CUBN: variants seen among roughly 807,000 people sequenced by gnomAD.
The protein encoded by CUBN is cubilin, also known as 460 kDa receptor.
CUBN carries 282 observed loss-of-function variants against 405.3 expected under a neutral mutation model. That is an observed-to-expected ratio of 0.70 (90% confidence interval 0.63 to 0.77). CUBN has a LOEUF of 0.77. Among genes scored for constraint, CUBN ranks in the 30% least tolerant of loss-of-function variants. The pLI, the probability that CUBN is intolerant of heterozygous loss-of-function variation, is 0.00. For missense variants in CUBN, 4,514 were observed against 4,475.2 expected, an observed-to-expected ratio of 1.01 and a Z score of -0.25; for synonymous variants, 1,684 against 1,617.0, an observed-to-expected ratio of 1.04 and a Z score of -0.99.
chr10:17,062,277 T>C (rs140170713), intron 22 of CUBN, among the ~76,000 whole-genome samples: 153 of 152,348 alleles, frequency 1.0e-3, no homozygotes, highest in African/African-American at 3.6e-3. Context: ...GGTTTTCCTC[T>C]AATATTAAAG....
intron 62 of CUBN, among the ~76,000 whole-genome samples, chr10:16,838,584 TC>T (rs1270247644): frequency 6.6e-6 from 1 of 152,232 alleles, no homozygotes; most frequent in Non-Finnish European, 1.5e-5. Context: ...TCCAACTGTC[TC>T]CTCAACATCT....
intron 31 of CUBN, among the ~76,000 whole-genome samples, chr10:16,966,580 C>A (rs757032122): frequency 2.6e-5 from 4 of 152,124 alleles, no homozygotes; most frequent in Non-Finnish European, 5.9e-5. Context: ...TCCAAAGTAG[C>A]TGGGATTACA....
chr10:16,944,820 G>C (rs1439267852), intron 36 of CUBN, among the ~76,000 whole-genome samples: 1 of 152,164 alleles, frequency 6.6e-6, no homozygotes, highest in African/African-American at 2.4e-5. Context: ...CCATCCTCTG[G>C]AAGGAGAGCC....
chr10:17,021,750 A>G (rs1302347848), intron 27 of CUBN, among the ~76,000 whole-genome samples: 2 of 151,966 alleles, frequency 1.3e-5, no homozygotes, highest in East Asian at 3.9e-4. Context: ...GCCGCCCCTA[A>G]TCCCTGCAGT....
intron 56 of CUBN, among the ~76,000 whole-genome samples, chr10:16,887,424 A>T (rs191807395): frequency 1.7e-4 from 26 of 152,168 alleles, no homozygotes; most frequent in African/African-American, 6.3e-4. Context: ...CATTAAATCT[A>T]CTCTGTAACA....
rs1401131792 is a variant in CUBN, at chr10:16,918,721, A to T, written c.6901T>A (p.Leu2301Met). Residue 2301 changes from leucine to methionine, a missense_variant, in exon 45 of 67, where the codon TTG becomes ATG. Leu to Met is a conservative substitution (Grantham distance 15, BLOSUM62 2). This residue lies in a region of CUBN where 1,613 missense variants were observed against 1,542.8 expected (regional missense o/e 1.05). Transcript: ENST00000377833. ...CCTGAGGACCACTGACTGCTGGGCA[A>T]AGATGTCCCACAAAATTTGGAAAGT... ...PILSKFCGTS[L>M]PSSQWSSGEV... The T allele has an allele frequency of 6.2e-7, 1 of 1,613,870 alleles. No individual in the cohort carries two copies. Among genetic ancestry groups the T allele is most frequent in the Non-Finnish European group, 8.5e-7 (1 of 1,179,916 alleles).
intron 28 of CUBN, among the ~76,000 whole-genome samples, chr10:17,016,335 T>C (rs1834327779): frequency 6.6e-6 from 1 of 152,192 alleles, no homozygotes; most frequent in South Asian, 2.1e-4. Flanking sequence ...TGGGGATCCA[T>C]ACTGGGGAAG....
At chr10:17,017,896 G>A (rs1467480064) in intron 28 of CUBN, among the ~76,000 whole-genome samples, 2 of 152,136 alleles carry the variant, frequency 1.3e-5, no homozygotes, top group Non-Finnish European at 2.9e-5. Flanking sequence ...GGAGGCAAGG[G>A]TCAGGATAGA....
At chr10:17,068,864 C>A in intron 19 of CUBN, 94 bp from the exon 20 acceptor site, 1 of 1,042,184 alleles carries the variant, frequency 9.6e-7, no homozygotes, top group Non-Finnish European at 1.5e-6. Context: ...TAATGGAGTA[C>A]AAATCAATTT....
At chr10:16,974,722 C>A (rs1833041494) in intron 31 of CUBN, among the ~76,000 whole-genome samples, 1 of 152,170 alleles carries the variant, frequency 6.6e-6, no homozygotes, top group Non-Finnish European at 1.5e-5. Flanking sequence ...TCCACTTAAA[C>A]ACAGATTTTC....
chr10:16,908,594 C>T (rs1308894115), intron 48 of CUBN, among the ~76,000 whole-genome samples: 1 of 152,098 alleles, frequency 6.6e-6, no homozygotes, highest in East Asian at 1.9e-4. Flanking sequence ...ATTATTGACT[C>T]TAAAATATTA....
intron 60 of CUBN, among the ~76,000 whole-genome samples, chr10:16,846,924 GC>G: frequency 6.6e-6 from 1 of 152,112 alleles, no homozygotes; most frequent in East Asian, 1.9e-4. Context: ...ATACTTCCTG[GC>G]AGAAAAAGTC....
At position 16,840,409 on chromosome 10, in the gene CUBN, A is replaced by C. The variant is rs1564379433; in HGVS notation, c.9953T>G (p.Val3318Gly). 1.2e-6 allele frequency: 2 copies of C among 1,614,108 alleles called. No individual in the cohort carries two copies. The highest frequency in any genetic ancestry group is 3.3e-5 in the Admixed American group (2 of 60,024). The change falls in exon 62 of 67, where the codon GTC (valine) becomes GGC (glycine). Residue 3318 changes from valine to glycine, a missense_variant. By Grantham distance (109) the Val-to-Gly change is moderately radical. Around this residue, in one of 5 missense-constraint regions of CUBN, gnomAD observed 1,186 missense variants for 1,186.9 expected, o/e 1.00. Transcript: ENST00000377833. ...CTGTAATGCCCACACAGTTATCTTGACCTGCTGATGCGGAGGGGAATCAAT... is the reference window on the plus strand; with the variant it reads ...CTGTAATGCCCACACAGTTATCTTGCCCTGCTGATGCGGAGGGGAATCAAT... ...WVIDSPPHQQ[V>G]KITVWALQLT... is the part of the protein sequence containing the mutation.
chr10:16,940,808 AG>A (rs1357448624), intron 36 of CUBN, among the ~76,000 whole-genome samples: 2 of 152,208 alleles, frequency 1.3e-5, no homozygotes, highest in Non-Finnish European at 2.9e-5. Context: ...ATAAAAAAAA[AG>A]AAACCATTAA....
chr10:17,105,827 A>T (rs1364723612), intron 10 of CUBN, among the ~76,000 whole-genome samples: 1 of 152,230 alleles, frequency 6.6e-6, no homozygotes, highest in Non-Finnish European at 1.5e-5. Context: ...GGGTGCTGTC[A>T]GCCCATATGT....
chr10:17,125,336 A>G (rs1458935036), intron 4 of CUBN, among the ~76,000 whole-genome samples: 1 of 152,214 alleles, frequency 6.6e-6, no homozygotes, highest in Admixed American at 6.5e-5. Context: ...GATGAAATAG[A>G]AAGCCAGAGG....
intron 64 of CUBN, among the ~76,000 whole-genome samples, chr10:16,833,089 A>G (rs1316530651): frequency 6.6e-6 from 1 of 152,166 alleles, no homozygotes; most frequent in East Asian, 1.9e-4. Context: ...CCCAGCATCT[A>G]TCAGGCAAAT....
intron 59 of CUBN, among the ~76,000 whole-genome samples, chr10:16,863,340 A>G (rs1840071632): frequency 6.6e-6 from 1 of 152,190 alleles, no homozygotes; most frequent in Non-Finnish European, 1.5e-5. Context: ...TCATTCTCAG[A>G]CTTCATCACA....
At chr10:16,855,170 C>T (rs1485019041) in intron 59 of CUBN, among the ~76,000 whole-genome samples, 1 of 146,886 alleles carries the variant, frequency 6.8e-6, no homozygotes, top group African/African-American at 2.5e-5. Context: ...GTCTCGTATT[C>T]TTGGGGTCAA....
Sources: gnomAD v4.1 joint callset for allele counts (sites outside exome capture counted in the v4.1 genomes callset) on GRCh38, gnomAD v4.1.1 for gene constraint, gnomAD v4.1.1 regional missense constraint, MANE v1.5 for transcripts, NCBI Gene and HGNC (gene_info 2026-07-23, HGNC 2026-07-21) for gene names.